The following UMAD1 variants were observed in gnomAD, a reference collection of about 807,000 sequenced individuals.
UMAD1 encodes the protein UBAP1-MVB12-associated (UMA) domain containing 1.
A neutral mutation model predicts 6.1 loss-of-function variants in UMAD1; 8 were observed. The ratio of observed to expected loss-of-function variants is 1.30; its 90% CI spans 0.76 to 2.35. The LOEUF is 2.35. Among genes scored for constraint, UMAD1 ranks in the 30% most tolerant of loss-of-function variants. The pLI is 0.00. For synonymous variants in UMAD1, 56 were observed against 31.4 expected, an observed-to-expected ratio of 1.78 and a Z score of -2.61; for missense variants, 130 against 78.4, an observed-to-expected ratio of 1.66 and a Z score of -2.49.
chr7:7,761,650 A>G (rs996854388), intron 2 of UMAD1, among the ~76,000 whole-genome samples: 5 of 152,244 alleles, frequency 3.3e-5, no homozygotes, highest in African/African-American at 1.2e-4. Context: ...TAATAGAACT[A>G]GAACTTATTA....
chr7:7,676,623 T>C (rs1288595747), intron 2 of UMAD1, among the ~76,000 whole-genome samples: 1 of 152,208 alleles, frequency 6.6e-6, no homozygotes, highest in African/African-American at 2.4e-5. Flanking sequence ...AGAAGGTTGG[T>C]GGTTGTAATA....
chr7:7,805,275 G>C (rs1482418521), intron 3 of UMAD1, among the ~76,000 whole-genome samples: 1 of 151,978 alleles, frequency 6.6e-6, no homozygotes, highest in Non-Finnish European at 1.5e-5. Context: ...CACCACCCTG[G>C]AGCCTCTCTG....
intron 3 of UMAD1, among the ~76,000 whole-genome samples, chr7:7,852,528 C>G (rs1292794849): frequency 1.3e-5 from 2 of 152,128 alleles, no homozygotes; most frequent in Non-Finnish European, 2.9e-5. Context: ...TTGGGTTTGA[C>G]TACTTTACTA....
chr7:7,741,586 AT>A (rs1781466066), intron 2 of UMAD1, among the ~76,000 whole-genome samples: 1 of 90,932 alleles, frequency 1.1e-5, no homozygotes, highest in African/African-American at 5.7e-5. Flanking sequence ...CAAAATAATA[AT>A]AATAATAATA....
At chr7:7,662,611 C>G (rs1436461820) in intron 1 of UMAD1, among the ~76,000 whole-genome samples, 1 of 152,154 alleles carries the variant, frequency 6.6e-6, no homozygotes, top group Non-Finnish European at 1.5e-5. Flanking sequence ...GGCGACACCC[C>G]ACCCTGTTTC....
At chr7:7,709,120 C>T (rs28912690) in intron 2 of UMAD1, among the ~76,000 whole-genome samples, 95 of 152,188 alleles carry the variant, frequency 6.2e-4, no homozygotes, top group Middle Eastern at 3.4e-3. Context: ...TTGCAAAATT[C>T]GGCATGGTTA....
intron 2 of UMAD1, among the ~76,000 whole-genome samples, chr7:7,720,973 G>A (rs1004744909): frequency 6.6e-6 from 1 of 152,158 alleles, no homozygotes; most frequent in Admixed American, 6.5e-5. Flanking sequence ...TTCACTGACT[G>A]ATGTCCTTAT....
chr7:7,777,330 C>T (rs1381860670), intron 2 of UMAD1, among the ~76,000 whole-genome samples: 1 of 151,290 alleles, frequency 6.6e-6, no homozygotes, highest in Non-Finnish European at 1.5e-5. Flanking sequence ...CATGGTGAAA[C>T]CCTATCTCTA....
intron 3 of UMAD1, among the ~76,000 whole-genome samples, chr7:7,826,159 A>C (rs988061844): frequency 6.6e-6 from 1 of 152,162 alleles, no homozygotes; most frequent in Non-Finnish European, 1.5e-5. Context: ...CAGAAATTGC[A>C]TTTGGCTGAA....
At chr7:7,814,844 A>G (rs1416541217) in intron 3 of UMAD1, among the ~76,000 whole-genome samples, 2 of 152,106 alleles carry the variant, frequency 1.3e-5, no homozygotes. Context: ...ACTTACCTCC[A>G]GTGCGATGTG....
intron 3 of UMAD1, among the ~76,000 whole-genome samples, chr7:7,860,615 A>AAAAAAAG (rs1404742988): frequency 4.0e-5 from 6 of 149,982 alleles, no homozygotes; most frequent in Non-Finnish European, 7.4e-5. Context: ...AAAAAAAAAA[A>AAAAAAAG]AAAAAAAAAA....
At chr7:7,713,944 C>A (rs1311983263) in intron 2 of UMAD1, among the ~76,000 whole-genome samples, 1 of 152,054 alleles carries the variant, frequency 6.6e-6, no homozygotes, top group Non-Finnish European at 1.5e-5. Flanking sequence ...AAGTGATCTT[C>A]CTGCCTTGGC....
chr7:7,657,976 C>G (rs1048418336), intron 1 of UMAD1, among the ~76,000 whole-genome samples: 18 of 152,152 alleles, frequency 1.2e-4, no homozygotes, highest in Non-Finnish European at 2.2e-4. Flanking sequence ...TTTGTGTCCT[C>G]TCCTATTTCC....
intron 2 of UMAD1, among the ~76,000 whole-genome samples, chr7:7,795,298 C>T (rs1782653130): frequency 6.6e-6 from 1 of 152,204 alleles, no homozygotes; most frequent in Admixed American, 6.5e-5. Flanking sequence ...TCAGCTAGTT[C>T]CACTCAGTTA....
chr7:7,663,680 G>T (rs1437617915), intron 1 of UMAD1, among the ~76,000 whole-genome samples: 3 of 152,176 alleles, frequency 2.0e-5, no homozygotes, highest in Non-Finnish European at 2.9e-5. Flanking sequence ...TGGTTCAAAA[G>T]AGAACTCAAA....
intron 2 of UMAD1, among the ~76,000 whole-genome samples, chr7:7,772,780 G>C (rs927933574): frequency 2.0e-5 from 3 of 152,218 alleles, no homozygotes; most frequent in Admixed American, 6.5e-5. Context: ...GAGAACTTTA[G>C]ATGGTAGGGT....
chr7:7,858,590 T>A (rs1358994397), intron 3 of UMAD1, among the ~76,000 whole-genome samples: 1 of 152,224 alleles, frequency 6.6e-6, no homozygotes, highest in Non-Finnish European at 1.5e-5. Flanking sequence ...GTGAAATACG[T>A]AATCATCTGG....
rs201796360 is a variant in UMAD1 at position 7,801,735 on chromosome 7, C to G, written c.148C>G (p.Pro50Ala). 1.4e-6 allele frequency: 1 copy of G among 717,938 alleles called. No homozygotes were observed. The highest frequency in any genetic ancestry group is 2.6e-6 in the Non-Finnish European group (1 of 385,176). The allele number at this position is 717,938 out of a possible 1,614,324, so 44.5% of individuals were successfully genotyped here. The change falls in exon 3 of 4, where the codon CCT (proline) becomes GCT (alanine). Residue 50 changes from proline to alanine, a missense_variant. By Grantham distance (27) the Pro-to-Ala change is conservative. Transcript: ENST00000682710. ...GKTSDIEANQ[P>A]LETNKENSSS... is the part of the protein sequence containing the mutation. ...AACTTCGGACATAGAGGCCAACCAA[C>G]CTTTGGAGGTAAGTGAAACAGAGTA...
At chr7:7,762,606 A>G (rs1461960972) in intron 2 of UMAD1, among the ~76,000 whole-genome samples, 1 of 152,180 alleles carries the variant, frequency 6.6e-6, no homozygotes, top group Non-Finnish European at 1.5e-5. Context: ...CCTTCAAGAG[A>G]GACTTGCTTA....
Sources: allele counts gnomAD v4.1 joint callset (sites outside exome capture counted in the v4.1 genomes callset), GRCh38; gene constraint gnomAD v4.1.1; transcripts MANE v1.5; gene names NCBI Gene and HGNC (gene_info 2026-07-23, HGNC 2026-07-21).